The following GPR149 variants were observed in gnomAD, a reference collection of about 807,000 sequenced individuals.
GPR149 encodes probable G protein-coupled receptor 149.
Under a neutral mutation model 50.2 loss-of-function variants are expected in GPR149, and 50 were observed. That is an observed-to-expected ratio of 1.00 (90% confidence interval 0.79 to 1.26). GPR149 has a LOEUF of 1.26. Among genes scored for constraint, GPR149 ranks in the 50% most tolerant of loss-of-function variants. GPR149 has a pLI of 0.00. For missense variants in GPR149, 983 were observed against 895.4 expected, an observed-to-expected ratio of 1.10 and a Z score of -1.25; for synonymous variants, 405 against 358.2, an observed-to-expected ratio of 1.13 and a Z score of -1.48.
intron 3 of GPR149, among the ~76,000 whole-genome samples, chr3:154,400,374 G>C (rs1711525360): frequency 6.6e-6 from 1 of 152,134 alleles, no homozygotes; most frequent in African/African-American, 2.4e-5. Flanking sequence ...TATATTATTT[G>C]CCTTAAGTAA....
At chr3:154,392,605 A>AAC (rs1328970211) in intron 3 of GPR149, among the ~76,000 whole-genome samples, 3 of 12,398 alleles carry the variant, frequency 2.4e-4, no homozygotes, top group African/African-American at 1.8e-3. Context: ...AACTAAATGA[A>AAC]ATAGAATAAA....
chr3:154,338,270 C>T lies in GPR149; in HGVS notation c.1625G>A (p.Arg542His), dbSNP rs199967865. The T allele has an allele frequency of 3.0e-5, 46 of 1,533,730 alleles. No homozygotes were observed. Among genetic ancestry groups the T allele is most frequent in the Admixed American group, 6.5e-5 (3 of 46,222 alleles). The change falls in exon 4 of 4, where the codon CGT becomes CAT. Residue 542 changes from arginine (R) to histidine (H), a missense_variant and splice_region_variant. Physicochemically the swap from Arg to His is conservative, Grantham distance 29 (BLOSUM62 0). Transcript: ENST00000389740. ...GGGAATGGCAAGGGCATAACCGGAA[C>T]GCTGGGGACAAAAACAAAATTGTTA... is the stretch of plus-strand genomic sequence containing the variant. ...RSKSERTPRQ[R>H]SGYALAIPLC...
chr3:154,409,883 C>T (rs1711788072), intron 3 of GPR149, among the ~76,000 whole-genome samples: 2 of 152,046 alleles, frequency 1.3e-5, no homozygotes, highest in African/African-American at 4.8e-5. Flanking sequence ...TCAAAGAATA[C>T]CTGGGAAATT....
intron 3 of GPR149, among the ~76,000 whole-genome samples, chr3:154,376,823 T>C (rs1361353914): frequency 6.6e-6 from 1 of 152,182 alleles, no homozygotes; most frequent in Non-Finnish European, 1.5e-5. Context: ...GAGTCATATC[T>C]TGGCCTTACC....
At chr3:154,395,908 T>A (rs1715281948) in intron 3 of GPR149, among the ~76,000 whole-genome samples, 1 of 152,214 alleles carries the variant, frequency 6.6e-6, no homozygotes, top group Admixed American at 6.5e-5. Flanking sequence ...TCTTGACTAT[T>A]CAATATTTTT....
In GPR149 at chr3:154,361,737, A is replaced by T. The variant is rs560309834; in HGVS notation, c.1624-23466T>A. Among the ~76,000 whole-genome samples the T allele has an allele frequency of 2.0e-5, 3 of 152,324 alleles. No individual in the cohort carries two copies. In the South Asian group the frequency reaches 6.2e-4, roughly 32 times the overall value. On this transcript the variant is annotated intron_variant, in intron 3 of 3. Transcript: ENST00000389740. ...TCTGGGTATCCACCTTCTTAGAACC[A>T]ATAATTCCCTTTATTATAAAAGTAT...
At position 154,428,706 on chromosome 3, in the gene GPR149, C is replaced by T. The variant is rs759482608; in HGVS notation, c.910G>A (p.Val304Met). The change falls in exon 1 of 4, where the codon GTG becomes ATG. Residue 304 changes from valine to methionine, a missense_variant. By Grantham distance (21) the Val-to-Met change is conservative (BLOSUM62 1). Coordinates refer to ENST00000389740, the MANE Select transcript of GPR149 (RefSeq NM_001038705.3). ...GTLYGTRSFT[V>M]SVAQKRFALI... ...GCGAAGCGCTTCTGCGCTACGCTCA[C>T]GGTGAAGCTCCTGGTGCCATAGAGA... 59 of 1,614,022 alleles carry T rather than the reference C, an allele frequency of 3.7e-5. No individual in the cohort carries two copies. Among genetic ancestry groups the T allele is most frequent in the Non-Finnish European group, 4.9e-5 (58 of 1,180,040 alleles).
Position 154,429,485 on chromosome 3 carries a change from G to T in GPR149, c.131C>A (p.Thr44Asn), listed in dbSNP as rs367833891. Residue 44 changes from threonine to asparagine, a missense_variant, in exon 1 of 4, where the codon ACT (threonine) becomes AAT (asparagine). By Grantham distance (65) the Thr-to-Asn change is moderately conservative. Transcript: ENST00000389740. Reference protein sequence around the residue: ...IYLFCLTCLMTFAALVGSIYS... With the variant: ...IYLFCLTCLMNFAALVGSIYS... The stretch of plus-strand genomic sequence containing the variant: ...AATGCTGCCCACCAAGGCTGCAAAA[G>T]TCATGAGACATGTCAAGCAAAAAAG... 9.3e-6 allele frequency: 15 copies of T among 1,614,038 alleles called. No individual in the cohort carries two copies. Among genetic ancestry groups the T allele is most frequent in the Non-Finnish European group, 1.1e-5 (13 of 1,180,042 alleles).
intron 3 of GPR149, among the ~76,000 whole-genome samples, 162 bp downstream of exon 3, chr3:154,420,877 A>G (rs964207809): frequency 7.9e-5 from 12 of 151,986 alleles, no homozygotes; most frequent in African/African-American, 2.4e-4. Flanking sequence ...AAAGTCCTTC[A>G]AAAGAGACCT....
intron 3 of GPR149, among the ~76,000 whole-genome samples, chr3:154,383,089 G>T (rs1033099091): frequency 2.0e-5 from 3 of 152,170 alleles, no homozygotes; most frequent in African/African-American, 7.2e-5. Flanking sequence ...AGGAAAAGGG[G>T]TGCTATAATA....
rs925155921 is a variant in GPR149, at chr3:154,337,277, T to C, written c.*422A>G. Reference sequence around the variant, plus strand: ...CCTTCAAATATAATTTGGGGTTTTGTTACATTTCTTCCATTCCCAGAATTC... The same window carrying C: ...CCTTCAAATATAATTTGGGGTTTTGCTACATTTCTTCCATTCCCAGAATTC... On this transcript the variant is annotated 3_prime_UTR_variant, in exon 4 of 4. Transcript: ENST00000389740. Among the ~76,000 whole-genome samples, 3 of 152,166 alleles carry C rather than the reference T, an allele frequency of 2.0e-5. No individual in the cohort carries two copies. Among genetic ancestry groups the C allele is most frequent in the African/African-American group, 4.8e-5 (2 of 41,454 alleles).
chr3:154,411,117 C>T lies in GPR149; in HGVS notation c.1623+9922G>A, dbSNP rs867982470. On this transcript the variant is annotated intron_variant, in intron 3 of 3. Coordinates refer to ENST00000389740, the MANE Select transcript of GPR149 (RefSeq NM_001038705.3). ...TATTGGGTCAAAAATGAAATCAAGA[C>T]GGAAATTTAAAAATTCTTTGAACTG... Among the ~76,000 whole-genome samples the T allele has an allele frequency of 1.3e-4, 20 of 152,036 alleles. 2 individuals are homozygous for T. Among genetic ancestry groups the T allele is most frequent in the Middle Eastern group, 3.4e-3 (1 of 292 alleles).
In GPR149 at chr3:154,337,982, C is replaced by G; in HGVS notation, c.1913G>C (p.Ser638Thr). The change falls in exon 4 of 4, where the codon AGT (serine) becomes ACT (threonine). Residue 638 changes from serine (S) to threonine (T), a missense_variant. Transcript: ENST00000389740. ...EEALDTVSII[S>T]NISQSSTQVR... ...TTGTGTGGAGGACTGACTGATGTTA[C>G]TAATGATTGACACAGTGTCCAAGGC... The G allele has an allele frequency of 6.2e-7, 1 of 1,614,150 alleles. No individual in the cohort carries two copies. Among genetic ancestry groups the G allele is most frequent in the Non-Finnish European group, 8.5e-7 (1 of 1,180,012 alleles).
chr3:154,424,125 G>A (rs1034254798), intron 2 of GPR149, among the ~76,000 whole-genome samples: 2 of 151,788 alleles, frequency 1.3e-5, no homozygotes, highest in Non-Finnish European at 3.0e-5. Flanking sequence ...TAGACTTGAT[G>A]TAAAATATCC....
intron 3 of GPR149, among the ~76,000 whole-genome samples, chr3:154,413,689 C>A (rs369726678): frequency 6.6e-6 from 1 of 151,322 alleles, no homozygotes; most frequent in Non-Finnish European, 1.5e-5. Flanking sequence ...AAAGGGAACA[C>A]TTTTACACTG....
intron 3 of GPR149, among the ~76,000 whole-genome samples, chr3:154,369,985 G>C (rs1364470088): frequency 6.6e-6 from 1 of 152,204 alleles, no homozygotes; most frequent in Non-Finnish European, 1.5e-5. Flanking sequence ...TACTGACTCA[G>C]ATCATGGAGA....
At chr3:154,407,421 T>C in intron 3 of GPR149, among the ~76,000 whole-genome samples, 1 of 152,060 alleles carries the variant, frequency 6.6e-6, no homozygotes, top group East Asian at 1.9e-4. Flanking sequence ...GGGGTGTGGG[T>C]TAGCAATTCT....
At chr3:154,423,658 C>T (rs2108430890) in intron 2 of GPR149, among the ~76,000 whole-genome samples, 1 of 151,466 alleles carries the variant, frequency 6.6e-6, no homozygotes, top group South Asian at 2.1e-4. Context: ...GGGGCGAATC[C>T]CTATAAAAAC....
chr3:154,353,157 A>G, intron 3 of GPR149: 2 of 1,516,210 alleles, frequency 1.3e-6, no homozygotes, highest in Non-Finnish European at 1.8e-6. Flanking sequence ...ACAGAAAATA[A>G]TAGCCCTCCC....
Sources: gnomAD v4.1 joint callset for allele counts (sites outside exome capture counted in the v4.1 genomes callset) on GRCh38, gnomAD v4.1.1 for gene constraint, MANE v1.5 for transcripts, NCBI Gene and HGNC (gene_info 2026-07-23, HGNC 2026-07-21) for gene names.